The following CSMD1 variants were observed in gnomAD, a reference collection of about 807,000 sequenced individuals.
CSMD1 encodes the protein CUB and Sushi multiple domains 1.
Under a neutral mutation model 417.5 loss-of-function variants are expected in CSMD1, and 213 were observed. The ratio of observed to expected loss-of-function variants is 0.51; its 90% CI spans 0.46 to 0.57. The LOEUF is 0.57. CSMD1 is among the 20% of genes least tolerant of loss of function. CSMD1 has a pLI of 0.00. For missense variants in CSMD1, 6,923 were observed against 4,529.7 expected (o/e 1.53, Z -15.17); for synonymous variants, 2,862 against 1,736.8 (o/e 1.65, Z -16.11).
At chr8:4,976,974 C>T (rs1397931617) in intron 1 of CSMD1, among the ~76,000 whole-genome samples, 1 of 152,140 alleles carries the variant, frequency 6.6e-6, no homozygotes, top group Non-Finnish European at 1.5e-5. Context: ...GTCTTTCTCT[C>T]CTAATAGAGC....
chr8:3,922,165 C>T (rs999189841), intron 5 of CSMD1, among the ~76,000 whole-genome samples: 8 of 152,064 alleles, frequency 5.3e-5, no homozygotes, highest in African/African-American at 1.7e-4. Context: ...TGCCTAATGT[C>T]TATTTTGTAT....
At chr8:4,979,300 G>A (rs976948329) in intron 1 of CSMD1, among the ~76,000 whole-genome samples, 8 of 152,110 alleles carry the variant, frequency 5.3e-5, no homozygotes, top group African/African-American at 1.9e-4. Flanking sequence ...CTTTTTACAT[G>A]TGTTTCTTCT....
chr8:4,298,178 G>C (rs1797788498), intron 3 of CSMD1, among the ~76,000 whole-genome samples: 1 of 152,022 alleles, frequency 6.6e-6, no homozygotes, highest in Non-Finnish European at 1.5e-5. Context: ...ATAATTTTGA[G>C]GAATCTGCCT....
chr8:3,685,721 C>T (rs192124028), intron 7 of CSMD1, among the ~76,000 whole-genome samples: 203 of 123,472 alleles, frequency 1.6e-3, no homozygotes, highest in African/African-American at 5.7e-3. Context: ...TCAGAAGGGT[C>T]AATTTCTTTC....
intron 52 of CSMD1, among the ~76,000 whole-genome samples, chr8:3,000,994 T>C (rs930915372): frequency 2.0e-5 from 3 of 151,970 alleles, no homozygotes; most frequent in Non-Finnish European, 4.4e-5. Context: ...TTTTCTTTTT[T>C]TTTTTGGCAG....
Position 3,482,379 on chromosome 8 carries a change from T to C in CSMD1, c.1448+11244A>G, listed in dbSNP as rs541200383. ...TAAAAAGCAGGAGTGCCTATGTTAA[T>C]ATCTGACAAAGTAGACTTAAGGCAA... On this transcript the variant is annotated intron_variant, in intron 11 of 69. Coordinates refer to ENST00000635120, the MANE Select transcript of CSMD1 (RefSeq NM_033225.6). 1.6e-4 allele frequency among the ~76,000 whole-genome samples: 24 copies of C among 152,288 alleles called. No homozygotes were observed. In the South Asian group the frequency reaches 4.8e-3, roughly 30 times the overall value.
chr8:3,214,862 C>A (rs981550402), intron 29 of CSMD1, among the ~76,000 whole-genome samples, 171 bp from the exon 30 acceptor site: 1 of 152,114 alleles, frequency 6.6e-6, no homozygotes, highest in Non-Finnish European at 1.5e-5. Flanking sequence ...CCAAGTGAAA[C>A]TATTAATTAA....
chr8:4,422,568 C>T (rs1039458040), intron 2 of CSMD1, among the ~76,000 whole-genome samples: 2 of 151,964 alleles, frequency 1.3e-5, no homozygotes, highest in African/African-American at 2.4e-5. Context: ...GGAAGAGAGC[C>T]CTCACCAGGA....
At chr8:3,042,580 A>C (rs2128984524) in intron 50 of CSMD1, among the ~76,000 whole-genome samples, 1 of 152,196 alleles carries the variant, frequency 6.6e-6, no homozygotes, top group African/African-American at 2.4e-5. Context: ...CACATGGGTA[A>C]CCCTGTGGAT....
intron 2 of CSMD1, among the ~76,000 whole-genome samples, chr8:4,471,756 T>A (rs1210434162): frequency 6.6e-6 from 1 of 152,142 alleles, no homozygotes; most frequent in African/African-American, 2.4e-5. Context: ...TAGACCCATT[T>A]CTTTAGCGTC....
rs1809599406 is a variant in CSMD1, at chr8:3,023,365, A to G, written c.7856-4715T>C. On this transcript the variant is annotated intron_variant, in intron 51 of 69. Transcript: ENST00000635120. ...TTTCTGGTTCAGGGATTTCTGTGAT[A>G]AATGTTTTTCTTTTTAAATATGAAC... 2.0e-5 allele frequency among the ~76,000 whole-genome samples: 3 copies of G among 152,212 alleles called. No individual in the cohort carries two copies. The South Asian group carries it at 6.2e-4, about 32-fold the overall frequency.
chr8:4,707,960 T>TTTTTAAGA (rs2116850106), intron 1 of CSMD1, among the ~76,000 whole-genome samples: 1 of 149,756 alleles, frequency 6.7e-6, no homozygotes, highest in South Asian at 2.2e-4. Context: ...GTGATTATTG[T>TTTTTAAGA]TTTTAAGACA....
At chr8:3,424,794 C>A (rs1813717623) in intron 12 of CSMD1, among the ~76,000 whole-genome samples, 1 of 152,162 alleles carries the variant, frequency 6.6e-6, no homozygotes, top group African/African-American at 2.4e-5. Context: ...TTAACAATTG[C>A]CCAAGAGTAA....
intron 5 of CSMD1, among the ~76,000 whole-genome samples, chr8:3,980,256 G>A (rs1813748289): frequency 1.3e-5 from 2 of 152,138 alleles, no homozygotes; most frequent in Admixed American, 6.5e-5. Flanking sequence ...AACTATTAGG[G>A]GAAAAGCTGA....
chr8:3,390,221 G>C (rs1258286552), intron 17 of CSMD1, among the ~76,000 whole-genome samples: 1 of 151,806 alleles, frequency 6.6e-6, no homozygotes, highest in Non-Finnish European at 1.5e-5. Context: ...CAGGTGTGGT[G>C]GTGGGCACCT....
chr8:3,559,117 C>T (rs570341162), intron 10 of CSMD1, among the ~76,000 whole-genome samples: 8 of 152,326 alleles, frequency 5.3e-5, no homozygotes, highest in South Asian at 4.1e-4. Context: ...TTGCTATCAA[C>T]GCTGTTGAAA....
intron 25 of CSMD1, chr8:3,284,618 G>C (rs376895806): frequency 2.4e-6 from 1 of 414,752 alleles, no homozygotes; most frequent in Non-Finnish European, 4.5e-6. Context: ...TAGGATAAAA[G>C]GATTGCTTTT....
intron 1 of CSMD1, among the ~76,000 whole-genome samples, chr8:4,725,806 G>C (rs767507180): frequency 6.6e-6 from 1 of 152,100 alleles, no homozygotes. Flanking sequence ...CTAGCTGCTC[G>C]GTTGGAACTG....
At chr8:3,247,336 C>G (rs1182226159) in intron 26 of CSMD1, among the ~76,000 whole-genome samples, 1 of 152,194 alleles carries the variant, frequency 6.6e-6, no homozygotes, top group Non-Finnish European at 1.5e-5. Context: ...CCTCCTGCTC[C>G]TGGCCCCCTC....
Sources: gnomAD v4.1 joint callset for allele counts (sites outside exome capture counted in the v4.1 genomes callset) on GRCh38, gnomAD v4.1.1 for gene constraint, MANE v1.5 for transcripts, NCBI Gene and HGNC (gene_info 2026-07-23, HGNC 2026-07-21) for gene names.